Variants in DLG2 observed in about 807,000 individuals in gnomAD.
DLG2 encodes discs large MAGUK scaffold protein 2.
In DLG2, 45 loss-of-function variants were observed where a neutral mutation model predicts 132.5. The observed-to-expected ratio is 0.34, with a 90% CI of 0.27 to 0.44. DLG2 has a LOEUF of 0.44. DLG2 is among the 20% of genes least tolerant of loss of function. The pLI, the probability that DLG2 is intolerant of heterozygous loss-of-function variation, is 1.00. For missense variants in DLG2, 1,045 were observed against 1,196.9 expected (o/e 0.87, Z 1.87); for synonymous variants, 424 against 419.6 (o/e 1.01, Z -0.13).
intron 17 of DLG2, 108 bp downstream of exon 17, chr11:83,833,506 C>T: frequency 8.2e-7 from 1 of 1,213,648 alleles, no homozygotes; most frequent in Non-Finnish European, 1.1e-6. Flanking sequence ...TGCTCTCATC[C>T]ACTTTCCTTT....
chr11:84,531,725 C>A (rs1373014456), intron 7 of DLG2, among the ~76,000 whole-genome samples: 2 of 152,106 alleles, frequency 1.3e-5, no homozygotes, highest in Non-Finnish European at 2.9e-5. Flanking sequence ...ATCCCAGGGG[C>A]CTGCTATTCA....
chr11:84,277,462 CA>C (rs1352225248), intron 7 of DLG2, among the ~76,000 whole-genome samples: 2 of 152,200 alleles, frequency 1.3e-5, no homozygotes, highest in East Asian at 3.9e-4. Context: ...ATAAATGACA[CA>C]ATTCCAAATA....
chr11:85,242,322 G>A (rs1046844009), intron 4 of DLG2, among the ~76,000 whole-genome samples: 3 of 151,418 alleles, frequency 2.0e-5, no homozygotes, highest in South Asian at 2.1e-4. Context: ...TTTTATAAAC[G>A]TTTTATTGTT....
intron 19 of DLG2, among the ~76,000 whole-genome samples, chr11:83,547,252 A>G (rs549857385): frequency 6.6e-6 from 1 of 152,132 alleles, no homozygotes; most frequent in Non-Finnish European, 1.5e-5. Flanking sequence ...TAACAAGGAT[A>G]TGATAGGAGA....
intron 7 of DLG2, among the ~76,000 whole-genome samples, chr11:84,313,500 GAA>G (rs1215427594): frequency 8.2e-6 from 1 of 122,070 alleles, no homozygotes; most frequent in East Asian, 2.8e-4. Context: ...AAGAAAGAAA[GAA>G]AGAGAGAGAG....
chr11:84,693,026 C>T (rs1565678133), intron 6 of DLG2, among the ~76,000 whole-genome samples: 1 of 151,670 alleles, frequency 6.6e-6, no homozygotes, highest in Non-Finnish European at 1.5e-5. Context: ...ACCCACTCTC[C>T]GTGCTCTTCT....
At chr11:83,890,001 C>T (rs1221505670) in intron 15 of DLG2, among the ~76,000 whole-genome samples, 2 of 151,640 alleles carry the variant, frequency 1.3e-5, no homozygotes, top group Non-Finnish European at 2.9e-5. Flanking sequence ...CGGAGATATA[C>T]CTAATGCTAA....
chr11:84,208,622 G>T (rs903018508), intron 8 of DLG2, among the ~76,000 whole-genome samples: 1 of 152,012 alleles, frequency 6.6e-6, no homozygotes, highest in Non-Finnish European at 1.5e-5. Context: ...GGGATTACAG[G>T]CATGAGCCAC....
intron 8 of DLG2, among the ~76,000 whole-genome samples, chr11:84,240,561 T>C (rs1419772913): frequency 1.3e-5 from 2 of 152,146 alleles, no homozygotes; most frequent in African/African-American, 4.8e-5. Flanking sequence ...TGAAATACTA[T>C]GGAATCAAGG....
intron 4 of DLG2, among the ~76,000 whole-genome samples, chr11:85,252,183 T>G (rs1228181018): frequency 6.6e-6 from 1 of 152,194 alleles, no homozygotes; most frequent in African/African-American, 2.4e-5. Context: ...CACAACTGGA[T>G]AGAGTAACTA....
intron 6 of DLG2, among the ~76,000 whole-genome samples, chr11:84,540,518 C>T (rs1239294842): frequency 6.6e-6 from 1 of 151,914 alleles, no homozygotes; most frequent in African/African-American, 2.4e-5. Flanking sequence ...GTTAGAATGG[C>T]GATCATTAAA....
chr11:84,996,602 C>T (rs1198229476), intron 6 of DLG2, among the ~76,000 whole-genome samples: 1 of 152,062 alleles, frequency 6.6e-6, no homozygotes, highest in Admixed American at 6.6e-5. Flanking sequence ...TTATAATGTC[C>T]TATAGCAGTG....
At chr11:84,186,874 TG>T (rs2154287201) in intron 8 of DLG2, among the ~76,000 whole-genome samples, 1 of 152,068 alleles carries the variant, frequency 6.6e-6, no homozygotes, top group South Asian at 2.1e-4. Context: ...GGTAAGTGAA[TG>T]GTAGCTAAAA....
At chr11:84,324,934 A>G (rs2098423189) in intron 7 of DLG2, among the ~76,000 whole-genome samples, 1 of 152,030 alleles carries the variant, frequency 6.6e-6, no homozygotes, top group Non-Finnish European at 1.5e-5. Context: ...AATCTTCAGA[A>G]TTTTCTACCT....
chr11:84,602,144 T>C (rs2099577691), intron 6 of DLG2, among the ~76,000 whole-genome samples: 1 of 151,914 alleles, frequency 6.6e-6, no homozygotes, highest in South Asian at 2.1e-4. Flanking sequence ...GTGGGAGAAA[T>C]AGAGGTGGCT....
chr11:84,230,048 C>T (rs943981903), intron 8 of DLG2, among the ~76,000 whole-genome samples: 5 of 152,108 alleles, frequency 3.3e-5, no homozygotes, highest in African/African-American at 1.2e-4. Flanking sequence ...ACATAAATCT[C>T]CACATGTGAA....
intron 14 of DLG2, among the ~76,000 whole-genome samples, chr11:83,949,093 G>T (rs2084780117): frequency 6.6e-6 from 1 of 151,932 alleles, no homozygotes. Flanking sequence ...TTCTAATATT[G>T]TTGTCCCTAT....
intron 8 of DLG2, among the ~76,000 whole-genome samples, chr11:84,171,134 G>T (rs950875574): frequency 1.3e-5 from 2 of 151,952 alleles, no homozygotes; most frequent in African/African-American, 2.4e-5. Flanking sequence ...GTAAGTAGCT[G>T]TTTCTCTCTA....
chr11:85,413,306 C>T (rs763327744), intron 3 of DLG2, among the ~76,000 whole-genome samples: 1 of 151,930 alleles, frequency 6.6e-6, no homozygotes, highest in Non-Finnish European at 1.5e-5. Flanking sequence ...GATATTAATC[C>T]TTTGTCTGAT....
Sources: gnomAD v4.1 joint callset for allele counts (sites outside exome capture counted in the v4.1 genomes callset) on GRCh38, gnomAD v4.1.1 for gene constraint, MANE v1.5 for transcripts, NCBI Gene and HGNC (gene_info 2026-07-23, HGNC 2026-07-21) for gene names.